The following CLASP2 variants were observed in gnomAD, a reference collection of about 807,000 sequenced individuals.
The protein encoded by CLASP2 is CLIP-associating protein 2.
CLASP2 carries 47 observed loss-of-function variants against 194.4 expected under a neutral mutation model. That is an observed-to-expected ratio of 0.24 (90% CI 0.19 to 0.31). The LOEUF is 0.31. CLASP2 is among the 10% of genes least tolerant of loss of function. The pLI, the probability that CLASP2 is intolerant of heterozygous loss-of-function variation, is 1.00. For missense variants in CLASP2, 1,445 were observed against 1,823.6 expected (o/e 0.79, Z 3.78); for synonymous variants, 619 against 633.5 (o/e 0.98, Z 0.34).
In CLASP2 at chr3:33,573,051, A is replaced by T. The variant is rs994427835; in HGVS notation, c.2699+59T>A. ...GTATCTCTAAAGTGTTATAGAAACA[A>T]AGTAAAATCAAAAAGCGCTAACCTG... On this transcript the variant is annotated intron_variant, in intron 25 of 38. Transcript: ENST00000682230. 3.8e-6 allele frequency: 6 copies of T among 1,589,970 alleles called. No individual in the cohort carries two copies. The Admixed American group carries it at 1.0e-4, about 27-fold the overall frequency.
chr3:33,538,550 A>C (rs546758625), intron 33 of CLASP2, among the ~76,000 whole-genome samples: 1 of 152,296 alleles, frequency 6.6e-6, no homozygotes, highest in East Asian at 1.9e-4. Context: ...TTCTATCCTA[A>C]AACTCTATAA....
At chr3:33,649,450 G>T (rs1346576972) in intron 7 of CLASP2, among the ~76,000 whole-genome samples, 1 of 152,082 alleles carries the variant, frequency 6.6e-6, no homozygotes, top group Non-Finnish European at 1.5e-5. Context: ...TTCACAGTAT[G>T]GAGACTTTCA....
At chr3:33,613,829 T>C (rs2075638869) in intron 12 of CLASP2, among the ~76,000 whole-genome samples, 1 of 152,240 alleles carries the variant, frequency 6.6e-6, no homozygotes, top group Non-Finnish European at 1.5e-5. Flanking sequence ...ATTTTTCTTC[T>C]AACTTCTGCA....
intron 27 of CLASP2, 104 bp from the exon 28 acceptor site, chr3:33,561,075 C>T: frequency 1.1e-6 from 1 of 906,934 alleles, no homozygotes; most frequent in Middle Eastern, 2.7e-4. Context: ...ATCAGAGGCA[C>T]AGCGATTGGC....
chr3:33,589,372 T>C (rs2068155035), intron 21 of CLASP2, among the ~76,000 whole-genome samples: 1 of 152,082 alleles, frequency 6.6e-6, no homozygotes, highest in Non-Finnish European at 1.5e-5. Context: ...AGAGACTTTT[T>C]TTTTCTAAGT....
intron 30 of CLASP2, among the ~76,000 whole-genome samples, chr3:33,545,487 T>C (rs1222290817): frequency 1.3e-5 from 2 of 152,180 alleles, no homozygotes; most frequent in Admixed American, 6.5e-5. Context: ...CACCTGAATA[T>C]ACAACACTAG....
intron 18 of CLASP2, among the ~76,000 whole-genome samples, chr3:33,599,703 G>T (rs181886344): frequency 6.6e-6 from 1 of 152,240 alleles, no homozygotes; most frequent in Non-Finnish European, 1.5e-5. Flanking sequence ...GCTCAAAGTA[G>T]AAGAAAACAG....
At chr3:33,619,581 G>A in intron 12 of CLASP2, 22 bp downstream of exon 12, 1 of 1,537,886 alleles carries the variant, frequency 6.5e-7, no homozygotes, top group Middle Eastern at 1.7e-4. Flanking sequence ...GGCAGCAGTA[G>A]AAAACGAGAG....
chr3:33,629,566 G>C (rs2078681049), intron 9 of CLASP2, among the ~76,000 whole-genome samples: 1 of 152,100 alleles, frequency 6.6e-6, no homozygotes, highest in African/African-American at 2.4e-5. Context: ...AAACATGTCT[G>C]ATAGCTATAT....
chr3:33,614,945 G>A (rs2075851848), intron 12 of CLASP2, among the ~76,000 whole-genome samples: 1 of 152,066 alleles, frequency 6.6e-6, no homozygotes. Context: ...GGGTGGAGAT[G>A]GTGCCACTGG....
intron 1 of CLASP2, among the ~76,000 whole-genome samples, chr3:33,700,109 A>G (rs556204133): frequency 5.9e-5 from 9 of 152,172 alleles, no homozygotes; most frequent in Non-Finnish European, 1.0e-4. Context: ...AAATAACAGG[A>G]AATAGTTGAA....
At chr3:33,559,971 T>C (rs1412180812) in intron 28 of CLASP2, among the ~76,000 whole-genome samples, 1 of 152,160 alleles carries the variant, frequency 6.6e-6, no homozygotes, top group Non-Finnish European at 1.5e-5. Context: ...AAAAATGTAT[T>C]CAGTAAAAAG....
chr3:33,674,856 G>C (rs369547463), intron 6 of CLASP2, among the ~76,000 whole-genome samples: 3 of 152,136 alleles, frequency 2.0e-5, no homozygotes, highest in African/African-American at 4.8e-5. Context: ...ATAAATTCCT[G>C]GACACATACA....
At chr3:33,617,933 T>TTA (rs1206814946) in intron 12 of CLASP2, among the ~76,000 whole-genome samples, 3,705 of 142,834 alleles carry the variant, frequency 0.026, 66 homozygotes, top group Middle Eastern at 0.044. Flanking sequence ...ATTATTATTA[T>TTA]TATATATATA....
chr3:33,695,524 A>G (rs1229247323), intron 2 of CLASP2, among the ~76,000 whole-genome samples: 1 of 152,146 alleles, frequency 6.6e-6, no homozygotes, highest in Non-Finnish European at 1.5e-5. Context: ...CTAGAAAATA[A>G]AAGAAAAAAC....
chr3:33,516,323 ATTATAC>A (rs1389471537), intron 35 of CLASP2, among the ~76,000 whole-genome samples, 172 bp from the exon 36 acceptor site: 1 of 152,212 alleles, frequency 6.6e-6, no homozygotes, highest in Non-Finnish European at 1.5e-5. Flanking sequence ...GAAAATTTAT[ATTATAC>A]TTATTTTATT....
At chr3:33,572,626 A>G (rs578065983) in intron 25 of CLASP2, among the ~76,000 whole-genome samples, 1 of 152,280 alleles carries the variant, frequency 6.6e-6, no homozygotes, top group Non-Finnish European at 1.5e-5. Flanking sequence ...AACCCAAAAT[A>G]TTAACAAATA....
chr3:33,692,002 T>C (rs1269042714), intron 2 of CLASP2, among the ~76,000 whole-genome samples: 2 of 152,008 alleles, frequency 1.3e-5, no homozygotes, highest in Non-Finnish European at 2.9e-5. Context: ...AAATCCCATC[T>C]CCACTAAAAC....
intron 7 of CLASP2, among the ~76,000 whole-genome samples, chr3:33,651,890 CTCAGGTGA>C (rs2083283292): frequency 6.6e-6 from 1 of 152,054 alleles, no homozygotes; most frequent in African/African-American, 2.4e-5. Context: ...AACTCCTGAC[CTCAGGTGA>C]TCTGCCCTTC....
Sources: allele counts gnomAD v4.1 joint callset (sites outside exome capture counted in the v4.1 genomes callset), GRCh38; gene constraint gnomAD v4.1.1; transcripts MANE v1.5; gene names NCBI Gene and HGNC (gene_info 2026-07-23, HGNC 2026-07-21).